The following NUP155 variants were observed in gnomAD, a reference collection of about 807,000 sequenced individuals.
NUP155 encodes the protein nucleoporin 155.
Under a neutral mutation model 180.4 loss-of-function variants are expected in NUP155, and 71 were observed. That is an observed-to-expected ratio of 0.39 (90% CI 0.33 to 0.48). The LOEUF (loss-of-function observed/expected upper bound fraction) is 0.48, where lower values mean the gene tolerates loss of function less well. NUP155 is among the 20% of genes least tolerant of loss of function. The probability of loss-of-function intolerance (pLI) is 0.91; values close to 1 mark genes in which losing one functional copy is unlikely to be tolerated. For missense variants in NUP155, 1,553 were observed against 1,648.9 expected, an observed-to-expected ratio of 0.94 and a Z score of 1.01; for synonymous variants, 582 against 559.5, an observed-to-expected ratio of 1.04 and a Z score of -0.57.
At chr5:37,295,910 G>A (rs1163772790) in intron 32 of NUP155, among the ~76,000 whole-genome samples, 23 of 144,342 alleles carry the variant, frequency 1.6e-4, no homozygotes, top group Non-Finnish European at 2.4e-4. Flanking sequence ...CAGCCGCCCC[G>A]TCCGGGAGGT....
intron 14 of NUP155, among the ~76,000 whole-genome samples, chr5:37,330,552 A>G (rs1236790652): frequency 6.6e-6 from 1 of 152,192 alleles, no homozygotes; most frequent in Non-Finnish European, 1.5e-5. Flanking sequence ...CAGAGAAGTC[A>G]AGTAATTTAC....
rs1437326953 is a variant in NUP155, at chr5:37,365,737, A to AT, written c.158-1354_158-1353insA. On this transcript the variant is annotated intron_variant, in intron 1 of 34. Transcript: ENST00000231498. ...AGAAAAAAAAAAAAAAAAAAAAAAA[A>AT]AATATATATATATATACACACACAC... Among the ~76,000 whole-genome samples, 120 of 43,558 alleles carry AT rather than the reference A, an allele frequency of 2.8e-3. 6 individuals carry two copies. The highest frequency in any genetic ancestry group is 4.3e-3 in the Non-Finnish European group (88 of 20,364). 28.6% of individuals were successfully genotyped at this position (43,558 alleles called of 152,430 possible).
chr5:37,360,358 G>A lies in NUP155; in HGVS notation c.393-2207C>T, dbSNP rs562988891. On this transcript the variant is annotated intron_variant, in intron 3 of 34. Coordinates refer to ENST00000231498, the MANE Select transcript of NUP155 (RefSeq NM_153485.3). ...AAATTAGCTGGCCATGGTGGCACAC[G>A]CTTGTATTCCCAGCTACTCAGGAGG... Among the ~76,000 whole-genome samples, 195 of 152,050 alleles carry A rather than the reference G, an allele frequency of 1.3e-3. 2 individuals carry two copies. The South Asian group carries it at 0.039, about 30-fold the overall frequency.
chr5:37,318,113 G>A, intron 20 of NUP155, 28 bp from the exon 21 acceptor site: 1 of 1,172,158 alleles, frequency 8.5e-7, no homozygotes, highest in Middle Eastern at 1.9e-4. Flanking sequence ...GAATGTGTGT[G>A]TTTATAACAG....
intron 1 of NUP155, among the ~76,000 whole-genome samples, chr5:37,369,674 T>C (rs1046554810): frequency 1.3e-5 from 2 of 152,242 alleles, no homozygotes; most frequent in African/African-American, 4.8e-5. Flanking sequence ...GCAAATACTA[T>C]CTTTGTTTCT....
At chr5:37,348,222 T>A (rs1020069792) in intron 9 of NUP155, among the ~76,000 whole-genome samples, 1 of 152,046 alleles carries the variant, frequency 6.6e-6, no homozygotes, top group Non-Finnish European at 1.5e-5. Context: ...GAGAATCAGT[T>A]GAACCCAGGA....
At position 37,370,978 on chromosome 5, in the gene NUP155, C is replaced by G; in HGVS notation, c.-1G>C. ...CCGCGCCCAACAAAGAAGACGGCAT[C>G]TCGGAAATCGTAGACACCAGGGTCC... On this transcript the variant is annotated 5_prime_UTR_variant, in exon 1 of 35. Coordinates refer to ENST00000231498, the MANE Select transcript of NUP155 (RefSeq NM_153485.3). The G allele has an allele frequency of 1.2e-6, 2 of 1,613,778 alleles. No homozygotes were observed. Among genetic ancestry groups the G allele is most frequent in the Non-Finnish European group, 1.7e-6 (2 of 1,179,990 alleles).
chr5:37,305,210 T>C lies in NUP155; in HGVS notation c.2904A>G (p.Arg968=), dbSNP rs757152909. ...DIVGLQAFQE[R]LNSYKCITDT... ...CTGTAATGCATTTGTAACTGTTTAA[T>C]CTGAAAGAAAATGGAAAAGGAACAA... The change falls in exon 26 of 35, where the codon AGA becomes AGG. Residue 968 remains arginine, a splice_region_variant and synonymous_variant. Transcript: ENST00000231498. The C allele has an allele frequency of 6.2e-7, 1 of 1,610,780 alleles. No homozygotes were observed. Among genetic ancestry groups the C allele is most frequent in the Middle Eastern group, 1.9e-4 (1 of 5,404 alleles).
chr5:37,352,850 G>A (rs749812104), intron 4 of NUP155, 21 bp from the exon 5 acceptor site: 1 of 1,548,908 alleles, frequency 6.5e-7, no homozygotes, highest in Non-Finnish European at 8.9e-7. Context: ...GTAGACACAG[G>A]GCAGGAATAC....
intron 1 of NUP155, among the ~76,000 whole-genome samples, chr5:37,366,368 T>G (rs1747584279): frequency 6.6e-6 from 1 of 152,244 alleles, no homozygotes; most frequent in African/African-American, 2.4e-5. Flanking sequence ...GTACTGATTA[T>G]CCAACTTAAT....
chr5:37,304,724 T>TA lies in NUP155; in HGVS notation c.3162+14dup. 2 of 1,528,560 alleles carry TA rather than the reference T, an allele frequency of 1.3e-6. No individual in the cohort carries two copies. Among genetic ancestry groups the TA allele is most frequent in the Non-Finnish European group, 1.8e-6 (2 of 1,102,780 alleles). The allele number at this position is 1,528,560 out of a possible 1,614,324, so 94.7% of individuals were successfully genotyped here. The stretch of plus-strand genomic sequence containing the variant: ...TTAAGAATAATTAACACAACTGCAA[T>TA]AAAAAAAGATTTACCTGTAGCAGCT... On this transcript the variant is annotated intron_variant, in intron 27 of 34. Coordinates refer to ENST00000231498, the MANE Select transcript of NUP155 (RefSeq NM_153485.3).
chr5:37,337,443 T>C (rs141153680), intron 12 of NUP155, among the ~76,000 whole-genome samples: 1 of 151,830 alleles, frequency 6.6e-6, no homozygotes, highest in Non-Finnish European at 1.5e-5. Context: ...ACAACTGTAA[T>C]AGATGGCCTC....
chr5:37,371,040 T>C lies in NUP155; in HGVS notation c.-63A>G, dbSNP rs1236314324. 2 of 1,575,212 alleles carry C rather than the reference T, an allele frequency of 1.3e-6. No homozygotes were observed. Among genetic ancestry groups the C allele is most frequent in the East Asian group, 2.2e-5 (1 of 44,698 alleles). ...AAAACCAAGGAGAAACAAGAAAAGATCCAAGAAGTTAGCTTAGATCCGCCG... is the reference window on the plus strand; with the variant it reads ...AAAACCAAGGAGAAACAAGAAAAGACCCAAGAAGTTAGCTTAGATCCGCCG... On this transcript the variant is annotated 5_prime_UTR_variant, in exon 1 of 35. Transcript: ENST00000231498.
intron 34 of NUP155, 27 bp from the exon 35 acceptor site, chr5:37,292,065 T>C (rs1370211784): frequency 1.9e-6 from 3 of 1,612,382 alleles, no homozygotes; most frequent in East Asian, 2.2e-5. Context: ...ACATGATTAA[T>C]TATACATTTA....
intron 3 of NUP155, among the ~76,000 whole-genome samples, chr5:37,361,514 A>C (rs1747222459): frequency 6.6e-6 from 1 of 152,190 alleles, no homozygotes; most frequent in African/African-American, 2.4e-5. Flanking sequence ...ACTTATGCGG[A>C]CTAGGATTCC....
At position 37,342,598 on chromosome 5, in the gene NUP155, A is replaced by C. The variant is rs563009689; in HGVS notation, c.1044T>G (p.Ile348Met). The C allele has an allele frequency of 5.5e-5, 88 of 1,613,494 alleles. 2 individuals are homozygous for C. The South Asian group carries it at 9.2e-4, about 17-fold the overall frequency. The change falls in exon 10 of 35, where the codon ATT (isoleucine) becomes ATG (methionine). Residue 348 changes from isoleucine to methionine, a missense_variant. Coordinates refer to ENST00000231498, the MANE Select transcript of NUP155 (RefSeq NM_153485.3). ...VFKPIVQIAV[I>M]ENSESLDCQL... is the part of the protein sequence containing the mutation. The stretch of plus-strand genomic sequence containing the variant: ...GACAGTCCAGTGATTCAGAATTTTC[A>C]ATCACTGCTATTTGGACAATTGGTT...
Position 37,333,536 on chromosome 5 carries a change from G to A in NUP155, c.1445C>T (p.Pro482Leu). ...IITPLNKDHI[P>L]ITDSPVVVQQ... ...TACAACAACTGGTGAATCAGTTATT[G>A]GAATATGATCCTTGTTTAAAGGTGT... Residue 482 changes from proline to leucine, a missense_variant, in exon 13 of 35, where the codon CCA (proline) becomes CTA (leucine). Coordinates refer to ENST00000231498, the MANE Select transcript of NUP155 (RefSeq NM_153485.3). The A allele has an allele frequency of 1.2e-6, 2 of 1,613,804 alleles. No homozygotes were observed. Among genetic ancestry groups the A allele is most frequent in the South Asian group, 2.2e-5 (2 of 91,082 alleles).
chr5:37,349,656 A>T (rs1746335005), intron 7 of NUP155, among the ~76,000 whole-genome samples: 1 of 152,190 alleles, frequency 6.6e-6, no homozygotes, highest in Non-Finnish European at 1.5e-5. Context: ...TTATGTTAAG[A>T]AACTTCCAGT....
chr5:37,362,814 A>G (rs1747307385), intron 3 of NUP155, among the ~76,000 whole-genome samples: 1 of 152,238 alleles, frequency 6.6e-6, no homozygotes. Context: ...TTCAACATGA[A>G]AAATTGCTAC....
Sources: allele counts gnomAD v4.1 joint callset (sites outside exome capture counted in the v4.1 genomes callset), GRCh38; gene constraint gnomAD v4.1.1; transcripts MANE v1.5; gene names NCBI Gene and HGNC (gene_info 2026-07-23, HGNC 2026-07-21).